RPGRIP1: variants seen among roughly 807,000 people sequenced by gnomAD.
The protein encoded by RPGRIP1 is X-linked retinitis pigmentosa GTPase regulator-interacting protein 1.
A neutral mutation model predicts 157.9 loss-of-function variants in RPGRIP1; 128 were observed. The observed-to-expected ratio is 0.81, with a 90% CI of 0.70 to 0.94. The LOEUF (loss-of-function observed/expected upper bound fraction) is 0.94, where lower values mean the gene tolerates loss of function less well. Among genes scored for constraint, RPGRIP1 ranks in the 40% least tolerant of loss-of-function variants. RPGRIP1 has a pLI of 0.00. For missense variants in RPGRIP1, 1,486 were observed against 1,545.8 expected (o/e 0.96, Z 0.65); for synonymous variants, 554 against 571.6 (o/e 0.97, Z 0.44).
Position 21,324,490 on chromosome 14 carries a change from G to C in RPGRIP1, c.1763-128G>C, listed in dbSNP as rs1432478148. On this transcript the variant is annotated intron_variant, in intron 14 of 24. Coordinates refer to ENST00000400017, the MANE Select transcript of RPGRIP1 (RefSeq NM_020366.4). ...TCTGTTGCTTTTCCTTTTGAATCAC[G>C]TGGTTTCTTGAAATAATCACAACTT... The C allele has an allele frequency of 5.1e-6, 4 of 783,180 alleles. No individual in the cohort carries two copies. In the Admixed American group the frequency reaches 8.5e-5, roughly 17 times the overall value. The allele number at this position is 783,180 out of a possible 1,614,324, so 48.5% of individuals were successfully genotyped here. A position where few individuals can be genotyped will look rare whatever the true frequency, so the allele number is the denominator to read the frequency against.
chr14:21,324,273 C>T (rs1594210897), intron 14 of RPGRIP1: 4 of 355,082 alleles, frequency 1.1e-5, no homozygotes, highest in South Asian at 1.0e-4. Flanking sequence ...GTTTCTAGTA[C>T]TTCTCTTATG....
Position 21,343,866 on chromosome 14 carries a change from G to GTTTTTTTTTT in RPGRIP1, c.3532+670_3532+679dup, listed in dbSNP as rs67535379. On this transcript the variant is annotated intron_variant, in intron 22 of 24. Coordinates refer to ENST00000400017, the MANE Select transcript of RPGRIP1 (RefSeq NM_020366.4). ...TGATTTTTGTTCTTCCTCTTTTCCT[G>GTTTTTTTTTT]TTTTTTTTTTTTTTTTTTTTTTTTT... 2.2e-4 allele frequency among the ~76,000 whole-genome samples: 11 copies of GTTTTTTTTTT among 50,438 alleles called. 4 individuals are homozygous for GTTTTTTTTTT. Among genetic ancestry groups the GTTTTTTTTTT allele is most frequent in the Admixed American group, 5.4e-4 (2 of 3,708 alleles). 33.1% of individuals were successfully genotyped at this position (50,438 alleles called of 152,430 possible).
intron 14 of RPGRIP1, among the ~76,000 whole-genome samples, chr14:21,323,548 A>ATAGT (rs1166923869): frequency 6.6e-6 from 1 of 151,888 alleles, no homozygotes; most frequent in Non-Finnish European, 1.5e-5. Context: ...GCTTTAGCTA[A>ATAGT]TAGTTCTTTG....
In RPGRIP1 at chr14:21,324,749, A is replaced by G. The variant is rs1187907183; in HGVS notation, c.1894A>G (p.Ile632Val). 2 of 1,614,046 alleles carry G rather than the reference A, an allele frequency of 1.2e-6. No individual in the cohort carries two copies. The highest frequency in any genetic ancestry group is 1.7e-5 in the Admixed American group (1 of 60,020). ...HQGENLFELH[I>V]HQAFLTSAAL... is the part of the protein sequence containing the mutation. ...GGGTGAGAATCTTTTTGAACTGCAC[A>G]TCCACCAGGCCTTCCTGACATCTGC... Residue 632 changes from isoleucine to valine, a missense_variant, in exon 15 of 25, where the codon ATC (isoleucine) becomes GTC (valine). By Grantham distance (29) the Ile-to-Val change is conservative (BLOSUM62 3). Transcript: ENST00000400017.
intron 3 of RPGRIP1, among the ~76,000 whole-genome samples, chr14:21,300,705 C>CTTTTTT (rs918137131): frequency 4.1e-5 from 3 of 73,502 alleles, no homozygotes; most frequent in African/African-American, 1.1e-4. Flanking sequence ...AGTGGCTCAA[C>CTTTTTT]TTTTTTTTTT....
intron 3 of RPGRIP1, 54 bp downstream of exon 3, chr14:21,294,863 G>C: frequency 2.0e-6 from 1 of 504,202 alleles, no homozygotes; most frequent in Non-Finnish European, 2.7e-6. Context: ...TTTTTTTTTT[G>C]AGACGGAGCC....
At chr14:21,316,954 T>C (rs546527899) in intron 10 of RPGRIP1, among the ~76,000 whole-genome samples, 26 of 151,922 alleles carry the variant, frequency 1.7e-4, no homozygotes, top group African/African-American at 5.8e-4. Flanking sequence ...ACCCCGTCTC[T>C]ATTAAAAATA....
At chr14:21,316,846 A>G (rs1881837943) in intron 10 of RPGRIP1, among the ~76,000 whole-genome samples, 1 of 151,352 alleles carries the variant, frequency 6.6e-6, no homozygotes, top group Admixed American at 6.6e-5. Context: ...GTGGCTGGGC[A>G]TGGTGGCTCA....
At chr14:21,351,078 T>C (rs201557322) in intron 24 of RPGRIP1, 26 bp from the exon 25 acceptor site, 2 of 1,318,094 alleles carry the variant, frequency 1.5e-6, no homozygotes, top group Admixed American at 3.7e-5. Flanking sequence ...AACTGAGTGA[T>C]GCTGTTTTTT....
In RPGRIP1 at chr14:21,310,440, C is replaced by T. The variant is rs28608955; in HGVS notation, c.907-144C>T. 1.2e-3 allele frequency: 648 copies of T among 529,136 alleles called. 2 individuals are homozygous for T. The highest frequency in any genetic ancestry group is 0.012 in the African/African-American group (587 of 49,696). The allele number at this position is 529,136 out of a possible 1,614,324, so 32.8% of individuals were successfully genotyped here. On this transcript the variant is annotated intron_variant, in intron 7 of 24. Transcript: ENST00000400017. ...GCAAGCTAGGGCAGGGGAAAAATAGCAACAATTAGTAAACAAGTACACAAA... is the reference window on the plus strand; with the variant it reads ...GCAAGCTAGGGCAGGGGAAAAATAGTAACAATTAGTAAACAAGTACACAAA...
intron 7 of RPGRIP1, among the ~76,000 whole-genome samples, chr14:21,309,029 C>A (rs1055881165): frequency 6.6e-6 from 1 of 152,154 alleles, no homozygotes; most frequent in Non-Finnish European, 1.5e-5. Context: ...TTTGGGTGGA[C>A]CCAGTTTCTA....
chr14:21,338,919 A>G (rs1021023619), intron 21 of RPGRIP1, among the ~76,000 whole-genome samples: 2 of 151,624 alleles, frequency 1.3e-5, no homozygotes, highest in African/African-American at 4.8e-5. Flanking sequence ...CGGGCGGATC[A>G]CCTGAGGTCA....
chr14:21,294,420 G>A (rs1362079332), intron 2 of RPGRIP1, among the ~76,000 whole-genome samples: 2 of 151,920 alleles, frequency 1.3e-5, no homozygotes, highest in South Asian at 2.1e-4. Flanking sequence ...AGTAGAGACC[G>A]GGTTTCACCA....
chr14:21,287,020 C>G (rs1354406025), intron 1 of RPGRIP1, among the ~76,000 whole-genome samples: 1 of 116,742 alleles, frequency 8.6e-6, no homozygotes, highest in South Asian at 2.8e-4. Flanking sequence ...AAGACCCTGC[C>G]AAAAGAAAAA....
At chr14:21,346,253 A>C (rs560381196) in intron 23 of RPGRIP1, among the ~76,000 whole-genome samples, 16 of 151,960 alleles carry the variant, frequency 1.1e-4, no homozygotes, top group African/African-American at 2.4e-4. Context: ...GGACATACCC[A>C]AAAAAAAATT....
In RPGRIP1 at chr14:21,295,444, CATTT is replaced by C. The variant is rs149841857; in HGVS notation, c.218+660_218+663del. On this transcript the variant is annotated intron_variant, in intron 3 of 24. Transcript: ENST00000400017. ...AGGCATGTTGTAAGTGCTATCTATA[CATTT>C]ATTTATTTATTTATTTATTTATTTT... Among the ~76,000 whole-genome samples, 12 of 145,958 alleles carry C rather than the reference CATTT, an allele frequency of 8.2e-5. No individual in the cohort carries two copies. The East Asian group carries it at 1.2e-3, about 15-fold the overall frequency.
At chr14:21,328,724 C>A in intron 19 of RPGRIP1, 97 bp downstream of exon 19, 1 of 887,304 alleles carries the variant, frequency 1.1e-6, no homozygotes, top group Non-Finnish European at 1.8e-6. Flanking sequence ...AGCAGACACA[C>A]AAGATAAGCA....
At chr14:21,315,137 G>T (rs1047189817) in intron 10 of RPGRIP1, among the ~76,000 whole-genome samples, 2 of 151,924 alleles carry the variant, frequency 1.3e-5, no homozygotes, top group Non-Finnish European at 2.9e-5. Context: ...TGAGCCATGT[G>T]CAGTGCAGTG....
At chr14:21,346,847 T>C (rs970582541) in intron 23 of RPGRIP1, among the ~76,000 whole-genome samples, 4 of 152,202 alleles carry the variant, frequency 2.6e-5, no homozygotes, top group Admixed American at 6.5e-5. Context: ...GGTGTTTTAA[T>C]TACTTTTTGA....
Sources: gnomAD v4.1 joint callset for allele counts (sites outside exome capture counted in the v4.1 genomes callset) on GRCh38, gnomAD v4.1.1 for gene constraint, MANE v1.5 for transcripts, NCBI Gene and HGNC (gene_info 2026-07-23, HGNC 2026-07-21) for gene names.